The following CFAP299 variants were observed in gnomAD, a reference collection of about 807,000 sequenced individuals.
CFAP299 encodes the protein cilia- and flagella-associated protein 299.
CFAP299 carries 21 observed loss-of-function variants against 27.0 expected under a neutral mutation model. That is an observed-to-expected ratio of 0.78 (90% CI 0.55 to 1.12). The LOEUF is 1.12. Ranked by LOEUF, CFAP299 falls within the 50% of genes most tolerant of loss-of-function variation. CFAP299 has a pLI of 0.00. For missense variants in CFAP299, 310 were observed against 276.6 expected, an observed-to-expected ratio of 1.12 and a Z score of -0.86; for synonymous variants, 104 against 98.1, an observed-to-expected ratio of 1.06 and a Z score of -0.36.
intron 3 of CFAP299, among the ~76,000 whole-genome samples, chr4:80,840,413 G>T (rs1487885629): frequency 6.6e-6 from 1 of 152,066 alleles, no homozygotes; most frequent in Non-Finnish European, 1.5e-5. Context: ...TGTCTTAAAG[G>T]TAAATGTTAC....
intron 2 of CFAP299, among the ~76,000 whole-genome samples, chr4:80,472,372 T>C (rs1730044459): frequency 6.6e-5 from 10 of 152,242 alleles, no homozygotes; most frequent in Admixed American, 6.5e-4. Context: ...TTTGGGATGC[T>C]ACCTTTTTAA....
chr4:80,344,287 C>T (rs1722618318), intron 1 of CFAP299, among the ~76,000 whole-genome samples: 1 of 151,584 alleles, frequency 6.6e-6, no homozygotes, highest in Admixed American at 6.6e-5. Flanking sequence ...GAGAGAGAAT[C>T]AAATGGACAC....
chr4:80,468,504 G>C (rs1282860481), intron 2 of CFAP299, among the ~76,000 whole-genome samples: 2 of 151,982 alleles, frequency 1.3e-5, no homozygotes, highest in African/African-American at 4.8e-5. Flanking sequence ...GATTATAGGC[G>C]TGGACCACTG....
At position 80,574,952 on chromosome 4, in the gene CFAP299, G is replaced by T. The variant is rs142658630; in HGVS notation, c.243-8141G>T. ...TGATGTATCTTTGTAGGTAGTTTTG[G>T]TATCAAAGTAATACTGGCCTTGTAG... On this transcript the variant is annotated intron_variant, in intron 2 of 5. Coordinates refer to ENST00000358105, the MANE Select transcript of CFAP299 (RefSeq NM_152770.3). Among the ~76,000 whole-genome samples the T allele has an allele frequency of 5.7e-3, 842 of 148,544 alleles. 4 individuals carry two copies. The highest frequency in any genetic ancestry group is 0.02 in the African/African-American group (806 of 39,664).
chr4:80,872,912 G>A lies in CFAP299; in HGVS notation c.476+2777G>A, dbSNP rs562827408. The A allele has an allele frequency of 9.8e-4, 931 of 946,276 alleles. 1 individual carries two copies. Among genetic ancestry groups the A allele is most frequent in the Non-Finnish European group, 1.1e-3 (884 of 800,628 alleles). The allele number at this position is 946,276 out of a possible 1,614,324, so 58.6% of individuals were successfully genotyped here. ...TCAAAATATCATCTCTCTGTGTGTA[G>A]TTCTTCTTCTTTTTTTTTTTTCATT... On this transcript the variant is annotated intron_variant, in intron 4 of 5. Coordinates refer to ENST00000358105, the MANE Select transcript of CFAP299 (RefSeq NM_152770.3).
chr4:80,352,618 C>A (rs1045482739), intron 1 of CFAP299, among the ~76,000 whole-genome samples: 14 of 152,044 alleles, frequency 9.2e-5, no homozygotes, highest in Non-Finnish European at 1.9e-4. Flanking sequence ...AATACCTATT[C>A]TTTTCAAATG....
At chr4:80,624,885 G>A (rs1738803438) in intron 3 of CFAP299, among the ~76,000 whole-genome samples, 1 of 152,122 alleles carries the variant, frequency 6.6e-6, no homozygotes, top group South Asian at 2.1e-4. Context: ...ACTGTGCTCA[G>A]CAAAACTATT....
chr4:80,914,565 C>G (rs1249802003), intron 4 of CFAP299, among the ~76,000 whole-genome samples: 1 of 152,136 alleles, frequency 6.6e-6, no homozygotes, highest in Non-Finnish European at 1.5e-5. Context: ...AAACGCCTCC[C>G]CATATTGAGA....
intron 4 of CFAP299, among the ~76,000 whole-genome samples, chr4:80,898,080 T>G (rs1268883987): frequency 6.6e-6 from 1 of 152,124 alleles, no homozygotes; most frequent in Non-Finnish European, 1.5e-5. Context: ...AGTGTTACAG[T>G]AAGGGCTCTT....
chr4:80,637,960 T>TAAA (rs1739533085), intron 3 of CFAP299, among the ~76,000 whole-genome samples: 2 of 152,246 alleles, frequency 1.3e-5, no homozygotes, highest in African/African-American at 4.8e-5. Context: ...CCTGGTTGAT[T>TAAA]TCTAGCAATA....
the CFAP299 span, among the ~76,000 whole-genome samples, chr4:80,326,364 A>G: frequency 6.6e-6 from 1 of 152,220 alleles, no homozygotes; most frequent in Non-Finnish European, 1.5e-5. Context: ...GTGGGAATAA[A>G]AGCTAGTGTA....
chr4:80,420,631 A>G (rs1478940930), intron 2 of CFAP299, among the ~76,000 whole-genome samples: 4 of 151,940 alleles, frequency 2.6e-5, no homozygotes, highest in African/African-American at 9.7e-5. Context: ...TTTTCTTTTT[A>G]TGGAGTTGAG....
intron 2 of CFAP299, among the ~76,000 whole-genome samples, chr4:80,565,673 T>G (rs1382806769): frequency 6.6e-6 from 1 of 152,050 alleles, no homozygotes. Flanking sequence ...AATGACCTTT[T>G]GCAACTGAAG....
At chr4:80,524,900 G>A (rs1372786410) in intron 2 of CFAP299, among the ~76,000 whole-genome samples, 2 of 152,244 alleles carry the variant, frequency 1.3e-5, no homozygotes, top group East Asian at 1.9e-4. Flanking sequence ...TGGCAGAGCT[G>A]TATTCTCATC....
At chr4:80,870,971 A>G (rs777144277) in intron 4 of CFAP299, 2 of 779,252 alleles carry the variant, frequency 2.6e-6, no homozygotes, top group Non-Finnish European at 3.1e-6. Context: ...CAATGGTGCA[A>G]TCTTGGATCA....
chr4:80,542,995 A>G (rs1734075197), intron 2 of CFAP299, among the ~76,000 whole-genome samples: 1 of 151,886 alleles, frequency 6.6e-6, no homozygotes, highest in African/African-American at 2.4e-5. Flanking sequence ...AGCACCTCAA[A>G]CCCTCCAGCC....
intron 2 of CFAP299, among the ~76,000 whole-genome samples, chr4:80,390,687 ATATATGTG>A (rs1437279101): frequency 2.8e-5 from 4 of 145,326 alleles, no homozygotes; most frequent in Admixed American, 2.1e-4. Flanking sequence ...GTATACACAC[ATATATGTG>A]TATATATGTA....
At chr4:80,916,420 C>G (rs1735771290) in intron 4 of CFAP299, among the ~76,000 whole-genome samples, 1 of 151,292 alleles carries the variant, frequency 6.6e-6, no homozygotes, top group Non-Finnish European at 1.5e-5. Flanking sequence ...GAATTATGCC[C>G]TTTGTCTTGA....
At chr4:80,706,316 C>T (rs1368415614) in intron 3 of CFAP299, among the ~76,000 whole-genome samples, 2 of 151,342 alleles carry the variant, frequency 1.3e-5, no homozygotes, top group Non-Finnish European at 3.0e-5. Flanking sequence ...TTCCAGAACC[C>T]CCCTGTATTG....
Sources: gnomAD v4.1 joint callset for allele counts (sites outside exome capture counted in the v4.1 genomes callset) on GRCh38, gnomAD v4.1.1 for gene constraint, MANE v1.5 for transcripts, NCBI Gene and HGNC (gene_info 2026-07-23, HGNC 2026-07-21) for gene names.